Variants in DYNC2H1 observed in about 807,000 individuals in gnomAD.
The protein encoded by DYNC2H1 is cytoplasmic dynein 2 heavy chain 1.
Under a neutral mutation model 570.0 loss-of-function variants are expected in DYNC2H1, and 410 were observed. That is an observed-to-expected ratio of 0.72 (90% confidence interval 0.66 to 0.78). The LOEUF is 0.78. Among genes scored for constraint, DYNC2H1 ranks in the 30% least tolerant of loss-of-function variants. The pLI is 0.00. For missense variants in DYNC2H1, 4,865 were observed against 5,046.4 expected, an observed-to-expected ratio of 0.96 and a Z score of 1.09; for synonymous variants, 1,688 against 1,677.6, an observed-to-expected ratio of 1.01 and a Z score of -0.15.
At chr11:103,137,777 G>C (rs1410549854) in intron 17 of DYNC2H1, among the ~76,000 whole-genome samples, 2 of 152,062 alleles carry the variant, frequency 1.3e-5, no homozygotes, top group Non-Finnish European at 2.9e-5. Flanking sequence ...GTCACTGGTA[G>C]CTTGATGGGG....
intron 75 of DYNC2H1, among the ~76,000 whole-genome samples, chr11:103,296,483 A>C (rs1866832441): frequency 6.6e-6 from 1 of 152,222 alleles, no homozygotes; most frequent in Non-Finnish European, 1.5e-5. Context: ...CCCTGTATTT[A>C]GCACTAAAAT....
intron 70 of DYNC2H1, among the ~76,000 whole-genome samples, chr11:103,269,400 T>G (rs1368520004): frequency 6.6e-6 from 1 of 152,214 alleles, no homozygotes; most frequent in Non-Finnish European, 1.5e-5. Flanking sequence ...CTTTTAGGGT[T>G]TTTAGCAGTC....
At chr11:103,191,203 C>T (rs1241426423) in intron 45 of DYNC2H1, among the ~76,000 whole-genome samples, 2 of 151,590 alleles carry the variant, frequency 1.3e-5, no homozygotes, top group Non-Finnish European at 2.9e-5. Flanking sequence ...CCATGCCCAG[C>T]CAATTTTTAT....
chr11:103,124,600 T>C (rs1449834900), intron 11 of DYNC2H1, among the ~76,000 whole-genome samples: 4 of 152,114 alleles, frequency 2.6e-5, no homozygotes, highest in Non-Finnish European at 5.9e-5. Flanking sequence ...TTATAGCCTT[T>C]ACAAGAAACA....
rs1436213274 is a variant in DYNC2H1 at position 103,334,428 on chromosome 11, AG to A, written c.12039+10439del. ...AAATCAATTGTAAATTGGATAAATC[AG>A]TTTGCAAATTATAAATATCAAATGT... On this transcript the variant is annotated intron_variant, in intron 82 of 88. Coordinates refer to ENST00000375735, the MANE Select transcript of DYNC2H1 (RefSeq NM_001377.3). This position sits in a 1 kb window ranked among gnomAD's most constrained non-coding sequence, Gnocchi z 4.3. Among the ~76,000 whole-genome samples, 3 of 152,184 alleles carry A rather than the reference AG, an allele frequency of 2.0e-5. No homozygotes were observed. Among genetic ancestry groups the A allele is most frequent in the Non-Finnish European group, 4.4e-5 (3 of 68,010 alleles).
At chr11:103,313,864 C>T (rs1185739333) in intron 79 of DYNC2H1, among the ~76,000 whole-genome samples, 1 of 152,100 alleles carries the variant, frequency 6.6e-6, no homozygotes. Context: ...GGGGAGGACT[C>T]ATTGATCATA....
intron 70 of DYNC2H1, among the ~76,000 whole-genome samples, chr11:103,265,527 G>A (rs547080951): frequency 6.6e-6 from 1 of 152,098 alleles, no homozygotes; most frequent in Non-Finnish European, 1.5e-5. Context: ...TCTCTATACC[G>A]ACTAGGTTGT....
In DYNC2H1 at chr11:103,133,579, A is replaced by G; in HGVS notation, c.1978A>G (p.Lys660Glu). The G allele has an allele frequency of 6.2e-7, 1 of 1,610,086 alleles. No homozygotes were observed. Among genetic ancestry groups the G allele is most frequent in the African/African-American group, 1.3e-5 (1 of 74,792 alleles). ...IKNSKAGSGG[K>E]SQITWDNPKE... ...GAATTCAAAAGCAGGAAGTGGAGGG[A>G]AATCACAGATAACTTGGGATAATCC... The change falls in exon 14 of 89, where the codon AAA (lysine) becomes GAA (glutamate). Residue 660 changes from lysine to glutamate, a missense_variant. Lys to Glu is a moderately conservative substitution (Grantham distance 56). Around this residue, in one of 5 missense-constraint regions of DYNC2H1, gnomAD observed 1,936 missense variants for 1,962.1 expected, o/e 0.99. Transcript: ENST00000375735. The surrounding 1 kb of genome is among the most constrained non-coding windows in gnomAD (Gnocchi z 4.8).
Position 103,157,182 on chromosome 11 carries a change from A to G in DYNC2H1, c.4127+412A>G, listed in dbSNP as rs1326122751. Among the ~76,000 whole-genome samples the G allele has an allele frequency of 6.6e-6, 1 of 152,180 alleles. No individual in the cohort carries two copies. On this transcript the variant is annotated intron_variant, in intron 26 of 88. Transcript: ENST00000375735. This position sits in a 1 kb window ranked among gnomAD's most constrained non-coding sequence, Gnocchi z 4.2. ...TCTGACTGTCTCTCTAGTTCAACAC[A>G]TAGTTCCTAGTCCTTAGCTGTCTCC...
chr11:103,398,679 AG>A (rs1202668149), intron 83 of DYNC2H1, among the ~76,000 whole-genome samples: 3 of 152,174 alleles, frequency 2.0e-5, no homozygotes, highest in African/African-American at 7.2e-5. Context: ...ATTTCTTGGC[AG>A]TTCTTTGACA....
intron 83 of DYNC2H1, among the ~76,000 whole-genome samples, chr11:103,360,737 C>T (rs1940597234): frequency 6.6e-6 from 1 of 152,100 alleles, no homozygotes; most frequent in Non-Finnish European, 1.5e-5. Context: ...ACAGAATAGT[C>T]ATGGTACCTA....
chr11:103,123,987 A>G (rs145170897), intron 11 of DYNC2H1, among the ~76,000 whole-genome samples: 1 of 152,212 alleles, frequency 6.6e-6, no homozygotes, highest in Non-Finnish European at 1.5e-5. Context: ...TTATTTGTAT[A>G]TAGGAAAATT....
chr11:103,243,212 A>C lies in DYNC2H1; in HGVS notation c.9820-481A>C, dbSNP rs376013464. On this transcript the variant is annotated intron_variant, in intron 63 of 88. Coordinates refer to ENST00000375735, the MANE Select transcript of DYNC2H1 (RefSeq NM_001377.3). The surrounding 1 kb of genome is among the most constrained non-coding windows in gnomAD (Gnocchi z 4.8). ...TTAGCAGTGTTTTAATGATTTGCTCATACTTCTTTTTATGGCCTTTATAGT... is the reference window on the plus strand; with the variant it reads ...TTAGCAGTGTTTTAATGATTTGCTCCTACTTCTTTTTATGGCCTTTATAGT... Among the ~76,000 whole-genome samples, 29 of 152,224 alleles carry C rather than the reference A, an allele frequency of 1.9e-4. No homozygotes were observed. The East Asian group carries it at 4.2e-3, about 22-fold the overall frequency.
In DYNC2H1 at chr11:103,228,039, G is replaced by A. The variant is rs1230212504; in HGVS notation, c.9354-3221G>A. ...TTTGGTGTCCATTTGCATGGAATAT[G>A]TTTTTCCACCCCTTTACCTTAAGTT... On this transcript the variant is annotated intron_variant, in intron 59 of 88. Transcript: ENST00000375735. This position sits in a 1 kb window ranked among gnomAD's most constrained non-coding sequence, Gnocchi z 6.1. Among the ~76,000 whole-genome samples, 2 of 152,128 alleles carry A rather than the reference G, an allele frequency of 1.3e-5. No individual in the cohort carries two copies. Among genetic ancestry groups the A allele is most frequent in the African/African-American group, 4.8e-5 (2 of 41,438 alleles).
intron 87 of DYNC2H1, among the ~76,000 whole-genome samples, chr11:103,462,356 T>C (rs990055381): frequency 3.9e-5 from 6 of 152,024 alleles, no homozygotes; most frequent in African/African-American, 1.2e-4. Flanking sequence ...TGGCACTGTG[T>C]TCTTCATTTT....
chr11:103,392,209 C>G (rs1380650067), intron 83 of DYNC2H1, among the ~76,000 whole-genome samples: 1 of 152,236 alleles, frequency 6.6e-6, no homozygotes, highest in African/African-American at 2.4e-5. Context: ...GCGGGCGCCC[C>G]TCCCCCAGCC....
intron 17 of DYNC2H1, among the ~76,000 whole-genome samples, chr11:103,138,906 A>G (rs1382136569): frequency 8.6e-5 from 13 of 152,004 alleles, no homozygotes; most frequent in Non-Finnish European, 1.8e-4. Flanking sequence ...TTATTGGTCT[A>G]TTCAGAGATT....
At chr11:103,169,014 G>T in intron 32 of DYNC2H1, 54 bp downstream of exon 32, 2 of 1,438,700 alleles carry the variant, frequency 1.4e-6, no homozygotes, top group Non-Finnish European at 1.8e-6. Flanking sequence ...TTACTGTAAA[G>T]AAAATTTGTT....
chr11:103,130,868 G>A (rs1312080637), intron 13 of DYNC2H1, among the ~76,000 whole-genome samples: 1 of 152,184 alleles, frequency 6.6e-6, no homozygotes, highest in South Asian at 2.1e-4. Flanking sequence ...AGACATAGTA[G>A]TGGTTATAAA....
Sources: gnomAD v4.1 joint callset for allele counts (sites outside exome capture counted in the v4.1 genomes callset) on GRCh38, gnomAD v4.1.1 for gene constraint, gnomAD v4.1.1 regional missense constraint, Gnocchi (gnomAD v3.1) non-coding constraint, MANE v1.5 for transcripts, NCBI Gene and HGNC (gene_info 2026-07-23, HGNC 2026-07-21) for gene names.